Variants in SPNS2 observed in about 807,000 individuals in gnomAD.
SPNS2 encodes the protein sphingosine-1-phosphate transporter SPNS2.
In SPNS2, 37 loss-of-function variants were observed where a neutral mutation model predicts 57.6. The ratio of observed to expected loss-of-function variants is 0.64; its 90% CI spans 0.49 to 0.85. The LOEUF (loss-of-function observed/expected upper bound fraction) is 0.85. SPNS2 is among the 40% of genes least tolerant of loss of function. The pLI is 0.00. For synonymous variants in SPNS2, 440 were observed against 346.9 expected (o/e 1.27, Z -2.98); for missense variants, 831 against 779.1 (o/e 1.07, Z -0.79).
intron 3 of SPNS2, among the ~76,000 whole-genome samples, chr17:4,527,963 A>AAC (rs1555536862): frequency 2.7e-5 from 4 of 150,436 alleles, no homozygotes; most frequent in Middle Eastern, 3.4e-3. Flanking sequence ...AAAAAAAAAA[A>AAC]AGGAAGCAAT....
chr17:4,523,846 CTG>C (rs1191079537), intron 2 of SPNS2, among the ~76,000 whole-genome samples: 1 of 152,224 alleles, frequency 6.6e-6, no homozygotes, highest in African/African-American at 2.4e-5. Flanking sequence ...ATCTGACAAG[CTG>C]TGTTATTGAT....
At position 4,536,676 on chromosome 17, in the gene SPNS2, G is replaced by A. The variant is rs1597372313; in HGVS notation, c.1608-224G>A. The stretch of plus-strand genomic sequence containing the variant: ...TGGACTTAGTGGTTTTCAAAGCTGG[G>A]GCCCCTCCCCTTCCTCTTACTTTCT... On this transcript the variant is annotated intron_variant, in intron 11 of 12. Coordinates refer to ENST00000329078, the MANE Select transcript of SPNS2 (RefSeq NM_001124758.3). 2.9e-5 allele frequency: 19 copies of A among 649,110 alleles called. No individual in the cohort carries two copies. In the East Asian group the frequency reaches 5.0e-4, roughly 17 times the overall value. 40.2% of individuals were successfully genotyped at this position (649,110 alleles called of 1,614,324 possible).
At position 4,499,211 on chromosome 17, in the gene SPNS2, A is replaced by C; in HGVS notation, c.164A>C (p.Asp55Ala). ...AGGAGVSAAG[D>A]EVQTLSGSVR... is the part of the protein sequence containing the mutation. ...GGCGCTGGAGTCTCGGCCGCGGGCG[A>C]TGAGGTGCAGACGCTGTCGGGCAGC... Residue 55 changes from aspartate to alanine, a missense_variant, in exon 1 of 13, where the codon GAT becomes GCT. By Grantham distance (126) the Asp-to-Ala change is moderately radical (BLOSUM62 -2). Around this residue, in one of 2 missense-constraint regions of SPNS2, gnomAD observed 305 missense variants for 378.3 expected, o/e 0.81. Transcript: ENST00000329078. The surrounding 1 kb of genome is among the most constrained non-coding windows in gnomAD (Gnocchi z 5.2). 1.4e-6 allele frequency: 2 copies of C among 1,410,718 alleles called. No homozygotes were observed. 87.4% of individuals were successfully genotyped at this position (1,410,718 alleles called of 1,614,324 possible).
chr17:4,525,251 C>G, intron 3 of SPNS2, 58 bp downstream of exon 3: 1 of 1,591,264 alleles, frequency 6.3e-7, no homozygotes, highest in East Asian at 2.2e-5. Flanking sequence ...CAGCGAGTGG[C>G]TAGTCTTATT....
At position 4,512,977 on chromosome 17, in the gene SPNS2, T is replaced by C. The variant is rs946552536; in HGVS notation, c.371-270T>C. Among the ~76,000 whole-genome samples, 5 of 152,204 alleles carry C rather than the reference T, an allele frequency of 3.3e-5. No homozygotes were observed. Among genetic ancestry groups the C allele is most frequent in the African/African-American group, 4.8e-5 (2 of 41,464 alleles). ...CCAAGCTGGCAGATAGGAGGTGTGG[T>C]TGCCCATGGGGCAGAATGACCGCAG... On this transcript the variant is annotated intron_variant, in intron 1 of 12. Coordinates refer to ENST00000329078, the MANE Select transcript of SPNS2 (RefSeq NM_001124758.3). The surrounding 1 kb of genome is among the most constrained non-coding windows in gnomAD (Gnocchi z 5.2).
chr17:4,513,370 T>C (rs1429373468), intron 2 of SPNS2, 58 bp downstream of exon 2: 2 of 1,580,394 alleles, frequency 1.3e-6, no homozygotes, highest in Non-Finnish European at 1.7e-6. Context: ...GTGGGTCCTG[T>C]CCTGTTGGTC....
chr17:4,536,833 C>A (rs757828648), intron 11 of SPNS2, 67 bp from the exon 12 acceptor site: 3 of 1,354,426 alleles, frequency 2.2e-6, no homozygotes, highest in Admixed American at 1.7e-5. Flanking sequence ...ACACGATGTG[C>A]CAGAGCAGTG....
Position 4,533,686 on chromosome 17 carries a change from G to A in SPNS2, c.1279-102G>A. 5 of 1,390,526 alleles carry A rather than the reference G, an allele frequency of 3.6e-6. 1 individual carries two copies. The highest frequency in any genetic ancestry group is 5.1e-6 in the Non-Finnish European group (5 of 988,420). The allele number at this position is 1,390,526 out of a possible 1,614,324, so 86.1% of individuals were successfully genotyped here. A position where few individuals can be genotyped will look rare whatever the true frequency, so the allele number is the denominator to read the frequency against. Reference sequence around the variant, plus strand: ...GATGTGGGCCCGGGAGGGGTGTGAGGTTTTGTGGGCTCCCTGCCAGCAGCC... The same window carrying A: ...GATGTGGGCCCGGGAGGGGTGTGAGATTTTGTGGGCTCCCTGCCAGCAGCC... On this transcript the variant is annotated intron_variant, in intron 8 of 12. Transcript: ENST00000329078.
In SPNS2 at chr17:4,499,344, C is replaced by A; in HGVS notation, c.297C>A (p.Arg99=). The A allele has an allele frequency of 6.9e-7, 1 of 1,458,736 alleles. No individual in the cohort carries two copies. The highest frequency in any genetic ancestry group is 1.3e-5 in the South Asian group (1 of 75,598). The allele number at this position is 1,458,736 out of a possible 1,614,324, so 90.4% of individuals were successfully genotyped here. A position where few individuals can be genotyped will look rare whatever the true frequency, so the allele number is the denominator to read the frequency against. Residue 99 remains arginine, a synonymous_variant, in exon 1 of 13, where the codon CGC becomes CGA. Coordinates refer to ENST00000329078, the MANE Select transcript of SPNS2 (RefSeq NM_001124758.3). The surrounding 1 kb of genome is among the most constrained non-coding windows in gnomAD (Gnocchi z 5.2). ...AGCCCAAACCGGCCAGCTTGGGCCGCGGGCGGGGGGCAGCCGCCGCCATCC... is the reference window on the plus strand; with the variant it reads ...AGCCCAAACCGGCCAGCTTGGGCCGAGGGCGGGGGGCAGCCGCCGCCATCC... ...AQQPKPASLG[R]GRGAAAAILS...
chr17:4,532,214 A>G (rs759455149), intron 5 of SPNS2, among the ~76,000 whole-genome samples: 1 of 151,650 alleles, frequency 6.6e-6, no homozygotes, highest in Non-Finnish European at 1.5e-5. Flanking sequence ...CCATCTCTCC[A>G]TCAACCTCTT....
chr17:4,533,877 C>T (rs1334936713), intron 9 of SPNS2, 24 bp downstream of exon 9: 1 of 1,610,178 alleles, frequency 6.2e-7, no homozygotes, highest in Non-Finnish European at 8.5e-7. Flanking sequence ...GCCGAGGTCA[C>T]CTTGTGCTGC....
chr17:4,535,963 G>A (rs1041170633), intron 9 of SPNS2, 113 bp from the exon 10 acceptor site: 1 of 818,784 alleles, frequency 1.2e-6, no homozygotes, highest in Non-Finnish European at 1.9e-6. Flanking sequence ...TCAAGACGTA[G>A]GGCAGGAGTG....
rs1332585268 is a variant in SPNS2, at chr17:4,500,336, C to T, written c.370+919C>T. Among the ~76,000 whole-genome samples the T allele has an allele frequency of 2.6e-5, 4 of 152,144 alleles. No homozygotes were observed. The South Asian group carries it at 6.2e-4, about 24-fold the overall frequency. ...GATTGATCATTGGGCCTTTGGGGGA[C>T]GCACGTGGTTCTGGAATTGCCTTCT... On this transcript the variant is annotated intron_variant, in intron 1 of 12. Coordinates refer to ENST00000329078, the MANE Select transcript of SPNS2 (RefSeq NM_001124758.3).
intron 2 of SPNS2, among the ~76,000 whole-genome samples, chr17:4,523,855 T>C (rs554669243): frequency 6.6e-6 from 1 of 152,316 alleles, no homozygotes; most frequent in East Asian, 1.9e-4. Flanking sequence ...GCTGTGTTAT[T>C]GATTTGTTTA....
rs140227874 is a variant in SPNS2, at chr17:4,512,706, GCA to G, written c.371-535_371-534del. 1.8e-3 allele frequency among the ~76,000 whole-genome samples: 274 copies of G among 149,700 alleles called. 1 individual carries two copies. Among genetic ancestry groups the G allele is most frequent in the African/African-American group, 5.6e-3 (219 of 39,306 alleles). On this transcript the variant is annotated intron_variant, in intron 1 of 12. Transcript: ENST00000329078. This position sits in a 1 kb window ranked among gnomAD's most constrained non-coding sequence, Gnocchi z 5.2. ...TGTGTATGCATGTGTGCAGGTGTGT[GCA>G]CACACGTGCGTGCGTGTGCAGGTGT... is the stretch of plus-strand genomic sequence containing the variant.
chr17:4,533,160 G>T, intron 7 of SPNS2, 31 bp downstream of exon 7: 1 of 1,589,476 alleles, frequency 6.3e-7, no homozygotes, highest in Non-Finnish European at 8.6e-7. Context: ...CCCAGGGCTG[G>T]TGAGGGACCT....
chr17:4,524,836 C>T (rs921775127), intron 2 of SPNS2, among the ~76,000 whole-genome samples: 3 of 152,216 alleles, frequency 2.0e-5, no homozygotes, highest in Admixed American at 1.3e-4. Flanking sequence ...ACAAACTGGG[C>T]GAACTGGACA....
rs148088156 is a variant in SPNS2 at position 4,536,436 on chromosome 17, G to GC, written c.1607+10_1607+11insC. On this transcript the variant is annotated intron_variant, in intron 11 of 12. Transcript: ENST00000329078. ...CCAGGGCTGAGCAGCAGTGAGTGGG[G>GC]GGGAGGGGAGGCCCTGCTGCACCGC... is the stretch of plus-strand genomic sequence containing the variant. 20 of 1,595,956 alleles carry GC rather than the reference G, an allele frequency of 1.3e-5. No homozygotes were observed. The highest frequency in any genetic ancestry group is 1.7e-5 in the Non-Finnish European group (20 of 1,176,768).
intron 2 of SPNS2, among the ~76,000 whole-genome samples, chr17:4,522,933 C>T (rs1039642876): frequency 5.3e-5 from 8 of 152,214 alleles, no homozygotes; most frequent in Non-Finnish European, 8.8e-5. Flanking sequence ...TGTTCGACAT[C>T]CCCTCATGTT....
Sources: gnomAD v4.1 joint callset for allele counts (sites outside exome capture counted in the v4.1 genomes callset) on GRCh38, gnomAD v4.1.1 for gene constraint, gnomAD v4.1.1 regional missense constraint, Gnocchi (gnomAD v3.1) non-coding constraint, MANE v1.5 for transcripts, NCBI Gene and HGNC (gene_info 2026-07-23, HGNC 2026-07-21) for gene names.